The following CERS3 variants were observed in gnomAD, a reference collection of about 807,000 sequenced individuals.
CERS3 encodes LAG1 homolog, ceramide synthase 3.
In CERS3, 33 loss-of-function variants were observed where a neutral mutation model predicts 50.3. The observed-to-expected ratio is 0.66, with a 90% CI of 0.50 to 0.88. The LOEUF is 0.88. CERS3 is among the 40% of genes least tolerant of loss of function. CERS3 has a pLI of 0.00. For synonymous variants in CERS3, 176 were observed against 155.2 expected, an observed-to-expected ratio of 1.13 and a Z score of -0.99; for missense variants, 470 against 460.3, an observed-to-expected ratio of 1.02 and a Z score of -0.19.
At chr15:100,507,827 G>A (rs112748463) in intron 2 of CERS3, among the ~76,000 whole-genome samples, 106 of 152,348 alleles carry the variant, frequency 7.0e-4, no homozygotes, top group African/African-American at 2.3e-3. Context: ...GCATCCTGCC[G>A]AGGCAGCGGC....
intron 1 of CERS3, among the ~76,000 whole-genome samples, chr15:100,538,758 T>C (rs1372284297): frequency 6.6e-6 from 1 of 152,244 alleles, no homozygotes; most frequent in East Asian, 1.9e-4. Flanking sequence ...GTCTTGGTGA[T>C]GAACGTTTGG....
At chr15:100,463,838 CA>C in intron 10 of CERS3, among the ~76,000 whole-genome samples, 1 of 152,322 alleles carries the variant, frequency 6.6e-6, no homozygotes, top group Middle Eastern at 3.4e-3. Flanking sequence ...ATGGTGCCAT[CA>C]GAACCGATGC....
chr15:100,481,970 T>C lies in CERS3; in HGVS notation c.408-1924A>G, dbSNP rs76510650. Among the ~76,000 whole-genome samples the C allele has an allele frequency of 7.9e-3, 1,209 of 152,358 alleles. 22 individuals carry two copies. Among genetic ancestry groups the C allele is most frequent in the African/African-American group, 0.027 (1,126 of 41,582 alleles). ...AGTATTGCTCTGAATGAAATTGCAC[T>C]GATGAAACGTGCGCTTGTGTAGTCT... On this transcript the variant is annotated intron_variant, in intron 5 of 11. Transcript: ENST00000679737.
rs1322932115 is a variant in CERS3 at position 100,480,040 on chromosome 15, T to C, written c.414A>G (p.Arg138=). Residue 138 remains arginine, a synonymous_variant, in exon 6 of 12, where the codon AGA becomes AGG. Coordinates refer to ENST00000679737, the MANE Select transcript of CERS3 (RefSeq NM_001378789.1). ...CAGTGATCATTAAGTAAAATGCAAA[T>C]CTCCAGCTGCCAAAAGAAAGAAAAA... The part of the protein sequence containing the change: ...RLKKFQEACW[R]FAFYLMITVA... 6.2e-7 allele frequency: 1 copy of C among 1,610,282 alleles called. No homozygotes were observed. Among genetic ancestry groups the C allele is most frequent in the Non-Finnish European group, 8.5e-7 (1 of 1,178,390 alleles).
At chr15:100,459,955 A>G (rs1407102364) in intron 10 of CERS3, among the ~76,000 whole-genome samples, 1 of 151,782 alleles carries the variant, frequency 6.6e-6, no homozygotes, top group East Asian at 1.9e-4. Flanking sequence ...CCATTTTTCT[A>G]TTGGAGCATT....
At chr15:100,435,934 A>G (rs1464616020) in intron 11 of CERS3, among the ~76,000 whole-genome samples, 1 of 152,238 alleles carries the variant, frequency 6.6e-6, no homozygotes, top group Non-Finnish European at 1.5e-5. Flanking sequence ...ATAGCATCTC[A>G]CACCAGCTAG....
At chr15:100,436,561 C>T (rs1243743389) in intron 11 of CERS3, among the ~76,000 whole-genome samples, 1 of 152,062 alleles carries the variant, frequency 6.6e-6, no homozygotes, top group Admixed American at 6.6e-5. Context: ...ATAGGTGCAG[C>T]AAACTACCAT....
Position 100,528,839 on chromosome 15 carries a change from G to A in CERS3, c.-118C>T, listed in dbSNP as rs1383232492. 1.3e-5 allele frequency: 2 copies of A among 152,302 alleles called. No individual in the cohort carries two copies. Among genetic ancestry groups the A allele is most frequent in the East Asian group, 3.9e-4 (2 of 5,178 alleles). 9.4% of individuals were successfully genotyped at this position (152,302 alleles called of 1,614,324 possible). ...TTTCTGAAATGTCAGTCCACAAAAGGTGCCCCTTGCTTGTGAAGTGTAGTC... is the reference window on the plus strand; with the variant it reads ...TTTCTGAAATGTCAGTCCACAAAAGATGCCCCTTGCTTGTGAAGTGTAGTC... On this transcript the variant is annotated 5_prime_UTR_variant, in exon 1 of 12. Transcript: ENST00000679737.
At chr15:100,494,658 C>G (rs1331188624) in intron 3 of CERS3, among the ~76,000 whole-genome samples, 1 of 152,130 alleles carries the variant, frequency 6.6e-6, no homozygotes, top group Non-Finnish European at 1.5e-5. Context: ...TGCTTAGAAC[C>G]AGTAAGTCTC....
At chr15:100,438,873 A>C (rs2033552404) in intron 11 of CERS3, among the ~76,000 whole-genome samples, 1 of 152,256 alleles carries the variant, frequency 6.6e-6, no homozygotes, top group Non-Finnish European at 1.5e-5. Flanking sequence ...GATGATATTT[A>C]GAAAGAAGAG....
chr15:100,506,698 G>T (rs752736777), intron 2 of CERS3, among the ~76,000 whole-genome samples: 1 of 152,186 alleles, frequency 6.6e-6, no homozygotes, highest in Non-Finnish European at 1.5e-5. Context: ...GCCACATATT[G>T]TATGATTCCA....
intron 1 of CERS3, among the ~76,000 whole-genome samples, chr15:100,539,523 A>G (rs187749702): frequency 1.3e-5 from 2 of 152,340 alleles, no homozygotes; most frequent in Non-Finnish European, 2.9e-5. Flanking sequence ...TTTCTTCACA[A>G]GGCAGCAGGG....
At chr15:100,486,178 A>G (rs1373993790) in intron 4 of CERS3, among the ~76,000 whole-genome samples, 1 of 152,232 alleles carries the variant, frequency 6.6e-6, no homozygotes, top group African/African-American at 2.4e-5. Flanking sequence ...GTGAGGGCCA[A>G]ATAAAGCCTG....
intron 1 of CERS3, among the ~76,000 whole-genome samples, chr15:100,541,680 G>C (rs1430962406): frequency 6.6e-6 from 1 of 152,018 alleles, no homozygotes; most frequent in Non-Finnish European, 1.5e-5. Context: ...ACTTATCTTT[G>C]TTCAGACAGA....
At chr15:100,521,367 G>C (rs953697230) in intron 2 of CERS3, among the ~76,000 whole-genome samples, 1 of 152,224 alleles carries the variant, frequency 6.6e-6, no homozygotes, top group African/African-American at 2.4e-5. Flanking sequence ...CAGAACAGCA[G>C]GTGTTATGGG....
In CERS3 at chr15:100,469,437, G is replaced by C. The variant is rs764401429; in HGVS notation, c.786C>G (p.Thr262=). 6.2e-7 allele frequency: 1 copy of C among 1,613,986 alleles called. No homozygotes were observed. The highest frequency in any genetic ancestry group is 1.1e-5 in the South Asian group (1 of 91,078). ...ATATGGTGGAGAAGATGAAAAACAG[G>C]GTGTTACAGGTCTGCGTCCATCCAG... ...SYAGWTQTCN[T]LFFIFSTIFF... Residue 262 remains threonine (T), a synonymous_variant, in exon 10 of 12, where the codon ACC becomes ACG. Transcript: ENST00000679737.
intron 2 of CERS3, among the ~76,000 whole-genome samples, chr15:100,503,340 TCTTC>T (rs2036067619): frequency 6.6e-6 from 1 of 152,148 alleles, no homozygotes. Flanking sequence ...CAGTAACAGC[TCTTC>T]CTTCCTTTCA....
intron 11 of CERS3, among the ~76,000 whole-genome samples, chr15:100,411,686 T>G (rs1164104449): frequency 6.6e-6 from 1 of 152,228 alleles, no homozygotes; most frequent in Non-Finnish European, 1.5e-5. Flanking sequence ...CTGGATCATG[T>G]GGTTAAGCCT....
chr15:100,403,158 C>G (rs1321258922), intron 11 of CERS3, among the ~76,000 whole-genome samples: 1 of 152,034 alleles, frequency 6.6e-6, no homozygotes, highest in Non-Finnish European at 1.5e-5. Context: ...TCCTTCTAAA[C>G]AATCGCTGGG....
Sources: allele counts gnomAD v4.1 joint callset (sites outside exome capture counted in the v4.1 genomes callset), GRCh38; gene constraint gnomAD v4.1.1; transcripts MANE v1.5; gene names NCBI Gene and HGNC (gene_info 2026-07-23, HGNC 2026-07-21).